PTPRC: variants seen among roughly 807,000 people sequenced by gnomAD.
The protein encoded by PTPRC is receptor-type tyrosine-protein phosphatase C.
In PTPRC, 44 loss-of-function variants were observed where a neutral mutation model predicts 155.9. The observed-to-expected ratio is 0.28, with a 90% CI of 0.22 to 0.36. PTPRC has a LOEUF of 0.36. PTPRC is among the 10% of genes least tolerant of loss of function. The pLI, the probability that PTPRC is intolerant of heterozygous loss-of-function variation, is 1.00. For missense variants in PTPRC, 1,401 were observed against 1,564.6 expected (o/e 0.90, Z 1.76); for synonymous variants, 525 against 533.1 (o/e 0.98, Z 0.21).
intron 3 of PTPRC, chr1:198,695,298 G>A (rs1216252249): frequency 4.6e-6 from 3 of 653,880 alleles, no homozygotes; most frequent in East Asian, 2.8e-4. Flanking sequence ...TTGTGCCATT[G>A]TCTTTTGCCC....
intron 3 of PTPRC, chr1:198,694,854 C>T (rs1282467330): frequency 1.0e-6 from 1 of 964,622 alleles, no homozygotes. Flanking sequence ...TAAAGTTAGA[C>T]CTGATTTTAC....
chr1:198,743,038 G>A (rs1414646608), intron 25 of PTPRC, among the ~76,000 whole-genome samples: 1 of 136,292 alleles, frequency 7.3e-6, no homozygotes, highest in Non-Finnish European at 1.5e-5. Context: ...TTGCAAGAAT[G>A]TGCATTGCAT....
At chr1:198,731,878 G>T in intron 18 of PTPRC, 152 bp downstream of exon 18, 1 of 700,700 alleles carries the variant, frequency 1.4e-6, no homozygotes. Flanking sequence ...CTATGAACCA[G>T]AAGAGAGACT....
At chr1:198,718,459 A>G (rs1230923153) in intron 14 of PTPRC, among the ~76,000 whole-genome samples, 157 bp downstream of exon 14, 1 of 152,314 alleles carries the variant, frequency 6.6e-6, no homozygotes, top group Non-Finnish European at 1.5e-5. Flanking sequence ...TTGACTCTAA[A>G]ATTTTTATTC....
At chr1:198,640,948 A>T (rs1448628948) in intron 2 of PTPRC, among the ~76,000 whole-genome samples, 1 of 151,992 alleles carries the variant, frequency 6.6e-6, no homozygotes, top group East Asian at 1.9e-4. Context: ...ATTCTATTAC[A>T]GGATGTTTTT....
At chr1:198,674,938 G>A (rs1166680460) in intron 2 of PTPRC, among the ~76,000 whole-genome samples, 1 of 152,034 alleles carries the variant, frequency 6.6e-6, no homozygotes, top group Non-Finnish European at 1.5e-5. Flanking sequence ...TTCCAATATT[G>A]TTCTTTTCCT....
intron 2 of PTPRC, among the ~76,000 whole-genome samples, chr1:198,662,990 C>A (rs1345972197): frequency 1.3e-5 from 2 of 152,170 alleles, no homozygotes; most frequent in Non-Finnish European, 2.9e-5. Context: ...TTACGCCTGA[C>A]CCCTGGCCAG....
chr1:198,638,993 A>G (rs1022616994), upstream of PTPRC: 9 of 413,700 alleles, frequency 2.2e-5, no homozygotes, highest in East Asian at 3.9e-4. Flanking sequence ...ACTTCCTGCA[A>G]AGAGGACCCT....
At chr1:198,668,243 A>G (rs1664436462) in intron 2 of PTPRC, among the ~76,000 whole-genome samples, 1 of 152,096 alleles carries the variant, frequency 6.6e-6, no homozygotes, top group Non-Finnish European at 1.5e-5. Flanking sequence ...ACAGGGTCTC[A>G]CTATATTCCC....
rs532882864 is a variant in PTPRC, at chr1:198,696,659, G to A, written c.101-53G>A. 2.3e-4 allele frequency: 329 copies of A among 1,438,710 alleles called. 4 individuals carry two copies. The South Asian group carries it at 3.6e-3, about 16-fold the overall frequency. The allele number at this position is 1,438,710 out of a possible 1,614,324, so 89.1% of individuals were successfully genotyped here. A position where few individuals can be genotyped will look rare whatever the true frequency, so the allele number is the denominator to read the frequency against. ...TATACTGGGAGGAGCATACATTTAG[G>A]GTATGATTCACATATTTATTTTGTC... is the stretch of plus-strand genomic sequence containing the variant. On this transcript the variant is annotated intron_variant, in intron 3 of 32. Coordinates refer to ENST00000442510, the MANE Select transcript of PTPRC (RefSeq NM_002838.5).
intron 2 of PTPRC, among the ~76,000 whole-genome samples, chr1:198,656,646 G>GT (rs1017437706): frequency 4.9e-4 from 42 of 86,528 alleles, no homozygotes; most frequent in African/African-American, 1.4e-3. Flanking sequence ...CTAGTTTTTT[G>GT]TTTTTTGTTT....
chr1:198,713,611 G>A (rs1189201740), intron 12 of PTPRC, among the ~76,000 whole-genome samples: 2 of 151,832 alleles, frequency 1.3e-5, no homozygotes, highest in African/African-American at 4.8e-5. Context: ...AAAAAAAGAA[G>A]AAGAAAGAAA....
intron 3 of PTPRC, among the ~76,000 whole-genome samples, chr1:198,693,366 A>G (rs1470256927): frequency 6.6e-6 from 1 of 152,166 alleles, no homozygotes; most frequent in East Asian, 1.9e-4. Context: ...TGCATAGTAG[A>G]TTGTGATTGG....
chr1:198,738,639 G>A (rs745463971), intron 23 of PTPRC, among the ~76,000 whole-genome samples: 2 of 151,570 alleles, frequency 1.3e-5, no homozygotes, highest in Admixed American at 6.6e-5. Context: ...GTCTGGTTTT[G>A]GTATCAGAGT....
chr1:198,749,576 A>G (rs778482441), intron 28 of PTPRC, 27 bp downstream of exon 28: 4 of 1,599,442 alleles, frequency 2.5e-6, no homozygotes, highest in Non-Finnish European at 2.6e-6. Context: ...CCAAAACCCA[A>G]GATCCAAACA....
At chr1:198,678,693 C>T (rs1394937946) in intron 2 of PTPRC, among the ~76,000 whole-genome samples, 3 of 152,078 alleles carry the variant, frequency 2.0e-5, no homozygotes, top group Non-Finnish European at 4.4e-5. Context: ...AAACACGCTG[C>T]GTACAATTCT....
chr1:198,646,710 C>A (rs1019489859), intron 2 of PTPRC, among the ~76,000 whole-genome samples: 1 of 151,850 alleles, frequency 6.6e-6, no homozygotes, highest in African/African-American at 2.4e-5. Context: ...ACTTTTAAGA[C>A]TGCTTGATAG....
chr1:198,754,234 G>A lies in PTPRC; in HGVS notation c.3510-35G>A, dbSNP rs780885919. 37 of 1,582,946 alleles carry A rather than the reference G, an allele frequency of 2.3e-5. No homozygotes were observed. In the South Asian group the frequency reaches 3.7e-4, roughly 16 times the overall value. On this transcript the variant is annotated intron_variant, in intron 31 of 32. Transcript: ENST00000442510. Reference sequence around the variant, plus strand: ...CTAATATCACCCTTTTTGGTGAGAAGTAGGATTATTTTCTATCTTTTCTTT... The same window carrying A: ...CTAATATCACCCTTTTTGGTGAGAAATAGGATTATTTTCTATCTTTTCTTT...
chr1:198,732,162 A>T, intron 18 of PTPRC, 138 bp from the exon 19 acceptor site: 2 of 735,784 alleles, frequency 2.7e-6, no homozygotes, highest in Non-Finnish European at 2.3e-6. Context: ...CTTAATTTTG[A>T]TTACTCTAAG....
Sources: allele counts gnomAD v4.1 joint callset (sites outside exome capture counted in the v4.1 genomes callset), GRCh38; gene constraint gnomAD v4.1.1; transcripts MANE v1.5; gene names NCBI Gene and HGNC (gene_info 2026-07-23, HGNC 2026-07-21).